Variants in ZMIZ1 observed in about 807,000 individuals in gnomAD.
The protein encoded by ZMIZ1 is zinc finger MIZ-type containing 1, also known as zinc finger MIZ domain-containing protein 1.
Under a neutral mutation model 113.9 loss-of-function variants are expected in ZMIZ1, and 17 were observed. The observed-to-expected ratio is 0.15, with a 90% confidence interval of 0.10 to 0.22. The LOEUF is 0.22. Ranked by LOEUF, ZMIZ1 falls within the 10% of genes least tolerant of loss-of-function variation. ZMIZ1 has a pLI of 1.00. For synonymous variants in ZMIZ1, 607 were observed against 603.1 expected (o/e 1.01, Z -0.09); for missense variants, 1,059 against 1,477.8 (o/e 0.72, Z 4.65).
At chr10:79,180,807 CG>C (rs927291749) in intron 4 of ZMIZ1, among the ~76,000 whole-genome samples, 25 of 152,324 alleles carry the variant, frequency 1.6e-4, no homozygotes, top group African/African-American at 5.8e-4. Flanking sequence ...CAGTGCTGAC[CG>C]CAACTCCATT....
chr10:79,271,916 C>T (rs1278347052), intron 7 of ZMIZ1, among the ~76,000 whole-genome samples: 1 of 152,140 alleles, frequency 6.6e-6, no homozygotes, highest in Non-Finnish European at 1.5e-5. Context: ...CTGAGAGGCT[C>T]TTCGTGCTAA....
At position 79,176,047 on chromosome 10, in the gene ZMIZ1, C is replaced by T. The variant is rs148797162; in HGVS notation, c.-50+13914C>T. 1.4e-3 allele frequency among the ~76,000 whole-genome samples: 215 copies of T among 152,082 alleles called. 1 individual carries two copies. The highest frequency in any genetic ancestry group is 4.8e-3 in the African/African-American group (199 of 41,510). ...CAGGGAGTCCCAGAAAGTGAGAAAC[C>T]AGGGCACAGGGAGGGCACTGTGCAT... On this transcript the variant is annotated intron_variant, in intron 4 of 24. Coordinates refer to ENST00000334512, the MANE Select transcript of ZMIZ1 (RefSeq NM_020338.4).
chr10:79,268,035 T>C (rs751522507), intron 7 of ZMIZ1, among the ~76,000 whole-genome samples: 10 of 152,164 alleles, frequency 6.6e-5, no homozygotes, highest in Non-Finnish European at 1.3e-4. Context: ...CAGGACCCTG[T>C]GTTTGGGAGC....
intron 3 of ZMIZ1, among the ~76,000 whole-genome samples, chr10:79,154,644 G>A (rs1845832809): frequency 6.6e-6 from 1 of 152,246 alleles, no homozygotes; most frequent in Admixed American, 6.5e-5. Context: ...AGTGGTGGGT[G>A]TGGAAGGGAG....
chr10:79,229,620 C>T (rs1564537626), intron 7 of ZMIZ1, among the ~76,000 whole-genome samples: 1 of 152,184 alleles, frequency 6.6e-6, no homozygotes, highest in Non-Finnish European at 1.5e-5. Flanking sequence ...AGAAACTCAG[C>T]GCACAGGATA....
At chr10:79,106,634 C>A (rs1843569643) in intron 1 of ZMIZ1, among the ~76,000 whole-genome samples, 1 of 152,234 alleles carries the variant, frequency 6.6e-6, no homozygotes, top group South Asian at 2.1e-4. Context: ...AGGGGACATC[C>A]CCCAACCACA....
chr10:79,297,677 G>A lies in ZMIZ1; in HGVS notation c.1478G>A (p.Gly493Glu). The part of the protein sequence containing the change: ...SGSSYSNYSQ[G>E]NVNRPPRPVP... ...AGCAGCTACAGTAACTACAGCCAAGGGAATGTCAACAGGGTATGTTCCAAT... is the reference window on the plus strand; with the variant it reads ...AGCAGCTACAGTAACTACAGCCAAGAGAATGTCAACAGGGTATGTTCCAAT... The change falls in exon 14 of 25, where the codon GGG (glycine) becomes GAG (glutamate). Residue 493 changes from glycine (G) to glutamate (E), a missense_variant. Gly to Glu is a moderately conservative substitution (Grantham distance 98). Around this residue, in one of 6 missense-constraint regions of ZMIZ1, gnomAD observed 239 missense variants for 247.5 expected, o/e 0.97. Transcript: ENST00000334512. The A allele has an allele frequency of 6.2e-7, 1 of 1,613,980 alleles. No homozygotes were observed. Among genetic ancestry groups the A allele is most frequent in the Non-Finnish European group, 8.5e-7 (1 of 1,179,892 alleles).
At chr10:79,248,947 G>A (rs918707862) in intron 7 of ZMIZ1, among the ~76,000 whole-genome samples, 2 of 152,166 alleles carry the variant, frequency 1.3e-5, no homozygotes, top group African/African-American at 4.8e-5. Flanking sequence ...CCCTGGGTCA[G>A]AGCCTGAGGC....
At chr10:79,272,774 G>A (rs200766890) in intron 7 of ZMIZ1, among the ~76,000 whole-genome samples, 6 of 152,338 alleles carry the variant, frequency 3.9e-5, no homozygotes, top group South Asian at 4.1e-4. Flanking sequence ...CACTTTAGAC[G>A]AGTTGGGTGG....
intron 3 of ZMIZ1, among the ~76,000 whole-genome samples, chr10:79,155,244 A>C (rs1845862545): frequency 6.6e-6 from 1 of 152,114 alleles, no homozygotes; most frequent in Admixed American, 6.5e-5. Context: ...CTCAGGTTTG[A>C]GCGGGCCACC....
At chr10:79,214,985 G>C (rs530913948) in intron 6 of ZMIZ1, among the ~76,000 whole-genome samples, 2 of 152,164 alleles carry the variant, frequency 1.3e-5, no homozygotes, top group Non-Finnish European at 2.9e-5. Context: ...CTGCCCCCCA[G>C]GGGACCGATG....
chr10:79,311,799 A>T (rs1855187043), intron 24 of ZMIZ1, among the ~76,000 whole-genome samples: 1 of 151,982 alleles, frequency 6.6e-6, no homozygotes, highest in Non-Finnish European at 1.5e-5. Flanking sequence ...GTCACCCTGG[A>T]TGATGGGGCT....
chr10:79,173,777 A>G (rs1189277482), intron 4 of ZMIZ1, among the ~76,000 whole-genome samples: 1 of 152,204 alleles, frequency 6.6e-6, no homozygotes, highest in Non-Finnish European at 1.5e-5. Flanking sequence ...TGTTTCAAGT[A>G]TGAGTAAACT....
intron 4 of ZMIZ1, among the ~76,000 whole-genome samples, chr10:79,179,725 C>T (rs1440080919): frequency 6.6e-6 from 1 of 152,266 alleles, no homozygotes; most frequent in Non-Finnish European, 1.5e-5. Context: ...CACACTCTAG[C>T]TCATGGAAAT....
At chr10:79,070,727 G>A (rs890491600) in intron 1 of ZMIZ1, among the ~76,000 whole-genome samples, 1 of 152,016 alleles carries the variant, frequency 6.6e-6, no homozygotes, top group Non-Finnish European at 1.5e-5. Flanking sequence ...GAGGCCTGAC[G>A]GCCGGGTCCC....
chr10:79,217,090 G>A (rs1463375165), intron 7 of ZMIZ1, among the ~76,000 whole-genome samples: 3 of 152,244 alleles, frequency 2.0e-5, no homozygotes, highest in African/African-American at 7.2e-5. Context: ...GAATGGTAAG[G>A]AGACTCCTGA....
At chr10:79,094,628 T>G (rs998421824) in intron 1 of ZMIZ1, among the ~76,000 whole-genome samples, 12 of 152,204 alleles carry the variant, frequency 7.9e-5, no homozygotes, top group Admixed American at 5.9e-4. Flanking sequence ...AAGGCCTCGC[T>G]GGGCATCACT....
At chr10:79,205,429 C>A (rs942795) in intron 5 of ZMIZ1, among the ~76,000 whole-genome samples, 6,428 of 152,314 alleles carry the variant, frequency 0.042, 203 homozygotes, top group Non-Finnish European at 0.068. Flanking sequence ...GGGGTTCAGC[C>A]TTGTGCCAGC....
At chr10:79,220,268 C>T (rs1037267460) in intron 7 of ZMIZ1, among the ~76,000 whole-genome samples, 2 of 152,176 alleles carry the variant, frequency 1.3e-5, no homozygotes, top group African/African-American at 4.8e-5. Context: ...GTAAATATGA[C>T]CCTCCAGCCT....
Sources: allele counts gnomAD v4.1 joint callset (sites outside exome capture counted in the v4.1 genomes callset), GRCh38; gene constraint gnomAD v4.1.1; regional missense constraint gnomAD v4.1.1; transcripts MANE v1.5; gene names NCBI Gene and HGNC (gene_info 2026-07-23, HGNC 2026-07-21).